The following CCNY variants were observed in gnomAD, a reference collection of about 807,000 sequenced individuals.
The protein encoded by CCNY is cyclin-Y.
In CCNY, 19 loss-of-function variants were observed where a neutral mutation model predicts 42.8. The ratio of observed to expected loss-of-function variants is 0.44; its 90% CI spans 0.31 to 0.65. The LOEUF (loss-of-function observed/expected upper bound fraction) is 0.65, where lower values mean the gene tolerates loss of function less well. Among genes scored for constraint, CCNY ranks in the 30% least tolerant of loss-of-function variants. CCNY has a pLI of 0.07. For missense variants in CCNY, 370 were observed against 437.3 expected (o/e 0.85, Z 1.37); for synonymous variants, 165 against 162.7 (o/e 1.01, Z -0.11).
At chr10:35,367,940 T>C (rs1372238112) in intron 1 of CCNY, among the ~76,000 whole-genome samples, 1 of 152,152 alleles carries the variant, frequency 6.6e-6, no homozygotes. Context: ...TTTAAAAACT[T>C]TGGAGTGTAA....
At chr10:35,299,219 C>T (rs1389168099) in intron 3 of CCNY, among the ~76,000 whole-genome samples, 1 of 152,212 alleles carries the variant, frequency 6.6e-6, no homozygotes, top group Non-Finnish European at 1.5e-5. Context: ...TCCATCTGCA[C>T]TGAAAACACT....
chr10:35,352,698 A>T (rs1340191472), intron 1 of CCNY, among the ~76,000 whole-genome samples: 2 of 152,194 alleles, frequency 1.3e-5, no homozygotes, highest in Non-Finnish European at 2.9e-5. Flanking sequence ...GACAGATGCA[A>T]ATAAGGGATT....
At chr10:35,522,211 A>G (rs1840561127) in intron 4 of CCNY, among the ~76,000 whole-genome samples, 1 of 152,212 alleles carries the variant, frequency 6.6e-6, no homozygotes, top group South Asian at 2.1e-4. Context: ...ATGTGGTGCC[A>G]TTCATTGGTT....
chr10:35,308,384 C>G (rs1179477910), intron 3 of CCNY, among the ~76,000 whole-genome samples: 1 of 152,018 alleles, frequency 6.6e-6, no homozygotes, highest in Non-Finnish European at 1.5e-5. Flanking sequence ...GAGACTCCAT[C>G]TCAACTAAAA....
chr10:35,381,335 G>A (rs1837179422), intron 1 of CCNY, among the ~76,000 whole-genome samples: 1 of 152,094 alleles, frequency 6.6e-6, no homozygotes, highest in Admixed American at 6.5e-5. Flanking sequence ...CGAGGCGGGT[G>A]GATCACCTGA....
intron 3 of CCNY, among the ~76,000 whole-genome samples, chr10:35,262,291 T>C (rs1195636787): frequency 6.8e-6 from 1 of 147,512 alleles, no homozygotes; most frequent in Admixed American, 6.8e-5. Context: ...AATTGAATAG[T>C]ATGAGTGTCA....
intron 1 of CCNY, among the ~76,000 whole-genome samples, chr10:35,345,625 T>G (rs1380208558): frequency 6.6e-6 from 1 of 152,228 alleles, no homozygotes; most frequent in African/African-American, 2.4e-5. Context: ...ATGTGAAGTG[T>G]GCTCCAGTAT....
At chr10:35,461,147 A>C (rs1261392292) in intron 1 of CCNY, among the ~76,000 whole-genome samples, 1 of 152,172 alleles carries the variant, frequency 6.6e-6, no homozygotes, top group Non-Finnish European at 1.5e-5. Flanking sequence ...GACACTTTCC[A>C]TATCCTGTGC....
intron 7 of CCNY, among the ~76,000 whole-genome samples, chr10:35,539,427 T>G (rs189235603): frequency 5.9e-5 from 9 of 152,322 alleles, no homozygotes; most frequent in Admixed American, 3.9e-4. Flanking sequence ...TTTATTTAGA[T>G]TTTCTTTCAT....
chr10:35,339,103 A>T (rs1836117760), intron 1 of CCNY, among the ~76,000 whole-genome samples: 1 of 152,208 alleles, frequency 6.6e-6, no homozygotes, highest in Admixed American at 6.5e-5. Flanking sequence ...CTCTCATCCC[A>T]GATCCCAGTT....
intron 2 of CCNY, among the ~76,000 whole-genome samples, chr10:35,494,245 C>A (rs1222039683): frequency 6.8e-6 from 1 of 146,328 alleles, no homozygotes; most frequent in Non-Finnish European, 1.5e-5. Flanking sequence ...CCCCCCCCCC[C>A]ATTTCTACAA....
intron 1 of CCNY, among the ~76,000 whole-genome samples, chr10:35,345,391 C>T (rs1291463217): frequency 6.6e-6 from 1 of 151,542 alleles, no homozygotes; most frequent in Non-Finnish European, 1.5e-5. Flanking sequence ...ATGGCGTGAA[C>T]CCAGGAGGCG....
intron 1 of CCNY, among the ~76,000 whole-genome samples, chr10:35,357,221 CG>C (rs1459758744): frequency 6.9e-6 from 1 of 144,714 alleles, no homozygotes; most frequent in Non-Finnish European, 1.5e-5. Flanking sequence ...AGCCCCATCA[CG>C]CTCAGTCACT....
intron 7 of CCNY, among the ~76,000 whole-genome samples, chr10:35,538,042 C>T (rs1374849933): frequency 1.3e-5 from 2 of 152,114 alleles, no homozygotes; most frequent in African/African-American, 4.8e-5. Context: ...ATACTGTTCT[C>T]ATGGTAGTGA....
chr10:35,417,704 A>AT (rs1425732222), intron 1 of CCNY, among the ~76,000 whole-genome samples: 1 of 152,204 alleles, frequency 6.6e-6, no homozygotes, highest in East Asian at 1.9e-4. Context: ...TTTTAATGGC[A>AT]TTAATTTCTT....
chr10:35,516,276 T>C (rs1366715723), intron 3 of CCNY, among the ~76,000 whole-genome samples: 1 of 152,108 alleles, frequency 6.6e-6, no homozygotes, highest in African/African-American at 2.4e-5. Flanking sequence ...ATTGCAAGAG[T>C]TTACTGTTCT....
At chr10:35,556,683 A>C (rs138507323) in intron 8 of CCNY, among the ~76,000 whole-genome samples, 1,619 of 152,154 alleles carry the variant, frequency 0.011, 38 homozygotes, top group African/African-American at 0.037. Flanking sequence ...AACCACACAT[A>C]AATCAGGAAT....
intron 3 of CCNY, among the ~76,000 whole-genome samples, chr10:35,282,111 A>AC (rs1433664088): frequency 1.2e-4 from 11 of 91,426 alleles, no homozygotes; most frequent in African/African-American, 5.8e-4. Context: ...CCTCATCTAC[A>AC]CCCTTTTTTT....
chr10:35,388,508 C>T (rs1837343280), intron 1 of CCNY, among the ~76,000 whole-genome samples: 1 of 152,230 alleles, frequency 6.6e-6, no homozygotes, highest in African/African-American at 2.4e-5. Context: ...TACCACTCAA[C>T]ATTTGCATTT....
Sources: allele counts gnomAD v4.1 joint callset (sites outside exome capture counted in the v4.1 genomes callset), GRCh38; gene constraint gnomAD v4.1.1; transcripts MANE v1.5; gene names NCBI Gene and HGNC (gene_info 2026-07-23, HGNC 2026-07-21).